Variants in SDK1 observed in about 807,000 individuals in gnomAD.
SDK1 encodes the protein protein sidekick-1.
SDK1 carries 157 observed loss-of-function variants against 245.5 expected under a neutral mutation model. The ratio of observed to expected loss-of-function variants is 0.64; its 90% CI spans 0.56 to 0.73. SDK1 has a LOEUF of 0.73. SDK1 is among the 30% of genes least tolerant of loss of function. SDK1 has a pLI of 0.00. For synonymous variants in SDK1, 1,647 were observed against 1,278.5 expected (o/e 1.29, Z -6.15); for missense variants, 3,583 against 3,002.3 (o/e 1.19, Z -4.52).
intron 1 of SDK1, among the ~76,000 whole-genome samples, chr7:3,459,925 C>T (rs1158020682): frequency 2.0e-5 from 3 of 152,144 alleles, no homozygotes; most frequent in African/African-American, 7.2e-5. Context: ...ATGTAATTTG[C>T]TTTTAATTTT....
At chr7:3,392,663 A>G (rs1178864697) in intron 1 of SDK1, among the ~76,000 whole-genome samples, 2 of 151,996 alleles carry the variant, frequency 1.3e-5, no homozygotes, top group African/African-American at 4.8e-5. Flanking sequence ...TTTTGTCTTT[A>G]TGAATTTGTC....
At chr7:3,973,460 A>G (rs910917696) in intron 12 of SDK1, among the ~76,000 whole-genome samples, 1 of 152,232 alleles carries the variant, frequency 6.6e-6, no homozygotes, top group African/African-American at 2.4e-5. Context: ...TGTGTATTTG[A>G]AAAGAAAAAT....
chr7:3,857,509 C>T (rs904614931), intron 5 of SDK1, among the ~76,000 whole-genome samples: 1 of 151,802 alleles, frequency 6.6e-6, no homozygotes, highest in African/African-American at 2.4e-5. Flanking sequence ...ATGGTGAGAC[C>T]CCATTTCTAC....
intron 25 of SDK1, among the ~76,000 whole-genome samples, chr7:4,125,585 C>G (rs895955737): frequency 5.9e-5 from 9 of 152,124 alleles, no homozygotes; most frequent in Non-Finnish European, 8.8e-5. Flanking sequence ...CGCAAGTGTT[C>G]CTGCTACAGA....
chr7:4,153,371 A>AG (rs1015366586), intron 30 of SDK1, among the ~76,000 whole-genome samples: 2 of 152,018 alleles, frequency 1.3e-5, no homozygotes, highest in African/African-American at 4.8e-5. Context: ...GGATCACCTG[A>AG]GGTCAGGAGA....
chr7:3,357,201 A>G (rs995799219), intron 1 of SDK1, among the ~76,000 whole-genome samples: 3 of 151,866 alleles, frequency 2.0e-5, no homozygotes, highest in Non-Finnish European at 4.4e-5. Context: ...TTGTAAAGTC[A>G]CATGATTTAA....
rs112686729 is a variant in SDK1 at position 3,308,139 on chromosome 7, A to G, written c.298+6255A>G. The stretch of plus-strand genomic sequence containing the variant: ...AGGTTCTGTAAAACAAATTGGTGCC[A>G]TAATTTATCAGTATAAGCCTGAAAT... On this transcript the variant is annotated intron_variant, in intron 1 of 44. Transcript: ENST00000404826. 2.6e-3 allele frequency among the ~76,000 whole-genome samples: 403 copies of G among 152,332 alleles called. 1 individual carries two copies. Among genetic ancestry groups the G allele is most frequent in the African/African-American group, 9.0e-3 (373 of 41,578 alleles).
intron 43 of SDK1, 89 bp from the exon 44 acceptor site, chr7:4,245,587 G>A (rs1020994105): frequency 6.0e-5 from 89 of 1,478,446 alleles, no homozygotes; most frequent in South Asian, 6.2e-5. Flanking sequence ...TTAGTCCAAC[G>A]CAATAAAGGC....
chr7:3,684,840 A>G (rs1784228145), intron 4 of SDK1, among the ~76,000 whole-genome samples: 1 of 152,218 alleles, frequency 6.6e-6, no homozygotes, highest in Non-Finnish European at 1.5e-5. Context: ...AGAATAACCA[A>G]AATAAAATAC....
intron 1 of SDK1, among the ~76,000 whole-genome samples, chr7:3,317,511 C>G (rs549522380): frequency 5.3e-5 from 8 of 152,230 alleles, no homozygotes; most frequent in South Asian, 4.1e-4. Flanking sequence ...TGACTTTGTT[C>G]TGTAGCTGTG....
chr7:4,145,675 C>A (rs373019035), intron 28 of SDK1, 47 bp from the exon 29 acceptor site: 7 of 1,537,638 alleles, frequency 4.6e-6, no homozygotes, highest in Non-Finnish European at 6.2e-6. Flanking sequence ...TTCCCTGTGC[C>A]GTGGGTGACT....
chr7:3,832,921 G>T (rs554254591), intron 5 of SDK1, among the ~76,000 whole-genome samples: 1 of 151,950 alleles, frequency 6.6e-6, no homozygotes, highest in African/African-American at 2.4e-5. Flanking sequence ...ACCTCTGCTT[G>T]TCAGTGTAAA....
chr7:3,932,995 C>T, intron 5 of SDK1, among the ~76,000 whole-genome samples: 1 of 152,122 alleles, frequency 6.6e-6, no homozygotes, highest in East Asian at 1.9e-4. Flanking sequence ...AGCCCAGAAC[C>T]TGCCCTGGGG....
chr7:3,449,014 C>T (rs1780431898), intron 1 of SDK1, among the ~76,000 whole-genome samples: 1 of 152,180 alleles, frequency 6.6e-6, no homozygotes, highest in African/African-American at 2.4e-5. Context: ...GATATTTACT[C>T]ATTTCTTCTG....
chr7:4,245,828 G>C (rs201150651), intron 44 of SDK1, 23 bp downstream of exon 44: 3 of 1,612,962 alleles, frequency 1.9e-6, no homozygotes, highest in Admixed American at 1.7e-5. Context: ...GCCTACTTCC[G>C]GGCAGTGACC....
intron 1 of SDK1, among the ~76,000 whole-genome samples, chr7:3,550,765 A>G (rs1779377933): frequency 6.6e-6 from 1 of 152,222 alleles, no homozygotes; most frequent in African/African-American, 2.4e-5. Flanking sequence ...ATAGCTTACA[A>G]TGAAAAGATT....
chr7:3,429,097 G>GAT (rs1317852219), intron 1 of SDK1, among the ~76,000 whole-genome samples: 3 of 152,154 alleles, frequency 2.0e-5, no homozygotes, highest in Admixed American at 1.3e-4. Context: ...AAAGTTGTAA[G>GAT]ATACAATCCA....
intron 17 of SDK1, among the ~76,000 whole-genome samples, chr7:4,042,912 C>T (rs954842307): frequency 3.9e-5 from 6 of 152,274 alleles, no homozygotes; most frequent in Admixed American, 2.0e-4. Flanking sequence ...TTTCTGATGG[C>T]GGTAATCAGG....
chr7:3,543,773 A>T (rs1020391062), intron 1 of SDK1, among the ~76,000 whole-genome samples: 2 of 152,144 alleles, frequency 1.3e-5, no homozygotes, highest in African/African-American at 4.8e-5. Flanking sequence ...GTATGTTGTG[A>T]ATTCCATTTT....
Sources: gnomAD v4.1 joint callset for allele counts (sites outside exome capture counted in the v4.1 genomes callset) on GRCh38, gnomAD v4.1.1 for gene constraint, MANE v1.5 for transcripts, NCBI Gene and HGNC (gene_info 2026-07-23, HGNC 2026-07-21) for gene names.